OTUD7A: variants seen among roughly 807,000 people sequenced by gnomAD.
The protein encoded by OTUD7A is OTU deubiquitinase 7A.
A neutral mutation model predicts 65.7 loss-of-function variants in OTUD7A; 12 were observed. The observed-to-expected ratio is 0.18, with a 90% CI of 0.12 to 0.30. OTUD7A has a LOEUF of 0.30. OTUD7A is among the 10% of genes least tolerant of loss of function. The pLI is 1.00. For missense variants in OTUD7A, 1,148 were observed against 1,304.8 expected (o/e 0.88, Z 1.85); for synonymous variants, 641 against 586.3 (o/e 1.09, Z -1.35).
intron 1 of OTUD7A, among the ~76,000 whole-genome samples, chr15:31,761,552 G>A (rs1305367330): frequency 6.6e-6 from 1 of 152,136 alleles, no homozygotes; most frequent in Non-Finnish European, 1.5e-5. Flanking sequence ...GGAGAAACTG[G>A]AAATCTTATA....
At chr15:31,803,989 G>A (rs963781067) in intron 1 of OTUD7A, among the ~76,000 whole-genome samples, 3 of 152,134 alleles carry the variant, frequency 2.0e-5, no homozygotes, top group African/African-American at 4.8e-5. Flanking sequence ...CCCCTTATTG[G>A]TGGGTACATC....
At chr15:31,549,272 A>G (rs932929363) in intron 5 of OTUD7A, among the ~76,000 whole-genome samples, 1 of 152,190 alleles carries the variant, frequency 6.6e-6, no homozygotes, top group African/African-American at 2.4e-5. Context: ...TCCCCTGACC[A>G]CAACATATTC....
intron 3 of OTUD7A, among the ~76,000 whole-genome samples, chr15:31,610,944 T>C (rs745969399): frequency 2.3e-4 from 35 of 152,050 alleles, no homozygotes; most frequent in Middle Eastern, 3.4e-3. Context: ...AATGAAATTA[T>C]ATTAAGCACT....
chr15:31,521,873 TTGTC>T (rs1465649247), intron 8 of OTUD7A, among the ~76,000 whole-genome samples: 22 of 152,328 alleles, frequency 1.4e-4, no homozygotes, highest in South Asian at 6.2e-4. Flanking sequence ...CTTCTCCTCT[TTGTC>T]TGTCGGACTG....
intron 1 of OTUD7A, among the ~76,000 whole-genome samples, chr15:31,726,019 A>G (rs1893872751): frequency 6.6e-6 from 1 of 151,240 alleles, no homozygotes; most frequent in South Asian, 2.1e-4. Context: ...CAGATTTATA[A>G]TTCTAATGCA....
intron 3 of OTUD7A, among the ~76,000 whole-genome samples, chr15:31,625,351 T>C (rs926327554): frequency 2.0e-5 from 3 of 151,786 alleles, no homozygotes; most frequent in African/African-American, 4.8e-5. Flanking sequence ...ATGATTTTTG[T>C]ATGCGGCAAT....
At chr15:31,869,867 C>A (rs1359354938) in intron 1 of OTUD7A, among the ~76,000 whole-genome samples, 6 of 152,202 alleles carry the variant, frequency 3.9e-5, no homozygotes, top group Non-Finnish European at 8.8e-5. Context: ...ACTTAAAGCA[C>A]CGCAGATGCA....
intron 1 of OTUD7A, among the ~76,000 whole-genome samples, chr15:31,860,988 G>A (rs1237438459): frequency 2.0e-5 from 3 of 150,960 alleles, no homozygotes; most frequent in Non-Finnish European, 4.4e-5. Context: ...CAAAGTGCTG[G>A]GATTACAGGC....
chr15:31,512,638 CTT>C (rs1423389782), intron 8 of OTUD7A, among the ~76,000 whole-genome samples: 1 of 151,926 alleles, frequency 6.6e-6, no homozygotes, highest in Non-Finnish European at 1.5e-5. Context: ...TGGTTAGTAA[CTT>C]AGAATTTTTT....
intron 1 of OTUD7A, chr15:31,766,016 A>C (rs1361184823): frequency 6.4e-7 from 1 of 1,555,412 alleles, no homozygotes; most frequent in Non-Finnish European, 8.9e-7. Flanking sequence ...TAATCTGCTT[A>C]CCGTATGAGT....
intron 1 of OTUD7A, among the ~76,000 whole-genome samples, chr15:31,861,742 C>A (rs2141017506): frequency 6.6e-6 from 1 of 152,308 alleles, no homozygotes; most frequent in African/African-American, 2.4e-5. Context: ...TTAAGTACAG[C>A]CTTTCAATGT....
intron 3 of OTUD7A, among the ~76,000 whole-genome samples, chr15:31,634,255 A>T (rs1469646889): frequency 5.3e-5 from 8 of 152,176 alleles, no homozygotes; most frequent in Non-Finnish European, 8.8e-5. Context: ...CTACAGAGAG[A>T]GGGAGACCTC....
At chr15:31,722,731 G>C (rs1309432141) in intron 1 of OTUD7A, among the ~76,000 whole-genome samples, 1 of 152,220 alleles carries the variant, frequency 6.6e-6, no homozygotes, top group African/African-American at 2.4e-5. Flanking sequence ...AGGATGTTTG[G>C]GTTGAAAGGT....
chr15:31,573,363 G>T (rs1195188827), intron 3 of OTUD7A, among the ~76,000 whole-genome samples: 1 of 152,174 alleles, frequency 6.6e-6, no homozygotes, highest in Non-Finnish European at 1.5e-5. Context: ...AATTAATAGA[G>T]GATGAACTCC....
At chr15:31,860,872 A>ATTTTTTTTTT (rs5811669) in intron 1 of OTUD7A, among the ~76,000 whole-genome samples, 1 of 87,040 alleles carries the variant, frequency 1.1e-5, no homozygotes, top group African/African-American at 4.2e-5. Flanking sequence ...TGCCCAGCTA[A>ATTTTTTTTTT]TTTTTTTTTT....
intron 1 of OTUD7A, among the ~76,000 whole-genome samples, chr15:31,749,751 T>G (rs1053582540): frequency 6.6e-6 from 1 of 151,988 alleles, no homozygotes; most frequent in Non-Finnish European, 1.5e-5. Context: ...AATTTTTTTT[T>G]TTAAAAAAAG....
intron 1 of OTUD7A, among the ~76,000 whole-genome samples, chr15:31,772,023 C>T (rs1029053885): frequency 1.8e-4 from 27 of 152,040 alleles, no homozygotes; most frequent in African/African-American, 3.6e-4. Context: ...GAGGCCGAGG[C>T]GGGCGGATCA....
chr15:31,808,614 C>T (rs1360294428), intron 1 of OTUD7A, among the ~76,000 whole-genome samples: 2 of 152,180 alleles, frequency 1.3e-5, no homozygotes, highest in Non-Finnish European at 2.9e-5. Context: ...ATGCACTTCC[C>T]TTTTAAGGAT....
chr15:31,704,594 T>C (rs920634713), intron 1 of OTUD7A, among the ~76,000 whole-genome samples: 3 of 150,974 alleles, frequency 2.0e-5, no homozygotes, highest in Non-Finnish European at 4.4e-5. Context: ...TTCCTTGCTG[T>C]TCACAGAGCT....
Sources: allele counts gnomAD v4.1 joint callset (sites outside exome capture counted in the v4.1 genomes callset), GRCh38; gene constraint gnomAD v4.1.1; transcripts MANE v1.5; gene names NCBI Gene and HGNC (gene_info 2026-07-23, HGNC 2026-07-21).